TTC29: variants seen among roughly 807,000 people sequenced by gnomAD.
TTC29 encodes tetratricopeptide repeat domain 29.
Under a neutral mutation model 58.1 loss-of-function variants are expected in TTC29, and 49 were observed. The observed-to-expected ratio is 0.84, with a 90% confidence interval of 0.67 to 1.07. The LOEUF (loss-of-function observed/expected upper bound fraction) is 1.07. Ranked by LOEUF, TTC29 falls within the 50% of genes least tolerant of loss-of-function variation. The pLI is 0.00. For synonymous variants in TTC29, 209 were observed against 196.8 expected (o/e 1.06, Z -0.52); for missense variants, 582 against 555.6 (o/e 1.05, Z -0.48).
chr4:146,749,953 A>T (rs1745852489), intron 11 of TTC29, among the ~76,000 whole-genome samples: 1 of 152,232 alleles, frequency 6.6e-6, no homozygotes, highest in Non-Finnish European at 1.5e-5. Context: ...AGCAAAACGA[A>T]GGAGAAATAA....
chr4:146,862,965 A>G (rs2150202186), intron 8 of TTC29, among the ~76,000 whole-genome samples: 1 of 152,130 alleles, frequency 6.6e-6, no homozygotes, highest in South Asian at 2.1e-4. Flanking sequence ...TACTAAAAAT[A>G]CAAAAAATTA....
chr4:146,894,569 T>C (rs866907912), intron 6 of TTC29, among the ~76,000 whole-genome samples: 2 of 150,310 alleles, frequency 1.3e-5, no homozygotes, highest in South Asian at 2.1e-4. Flanking sequence ...TTAGGAGATA[T>C]ACCTAATGTT....
In TTC29 at chr4:146,867,517, T is replaced by C; in HGVS notation, c.866A>G (p.Glu289Gly). ...GCTTACTGTTAATGCTGTTTCATAT[T>C]CCTCAGCAGCTAAGTGTGCTAAGCC... ...YLGLAHLAAE[E>G]YETALTVLDT... The change falls in exon 8 of 13, where the codon GAA (glutamate) becomes GGA (glycine). Residue 289 changes from glutamate to glycine, a missense_variant. Physicochemically the swap from Glu to Gly is moderately conservative, Grantham distance 98. Transcript: ENST00000325106. 6.5e-7 allele frequency: 1 copy of C among 1,539,504 alleles called. No homozygotes were observed. The highest frequency in any genetic ancestry group is 1.9e-5 in the Admixed American group (1 of 51,940).
intron 11 of TTC29, among the ~76,000 whole-genome samples, chr4:146,736,835 G>C (rs1032186073): frequency 6.6e-6 from 1 of 152,176 alleles, no homozygotes; most frequent in Admixed American, 6.5e-5. Context: ...CAGGATCTTG[G>C]TACCTAGGGA....
intron 4 of TTC29, among the ~76,000 whole-genome samples, chr4:146,910,633 G>A (rs1733834524): frequency 6.6e-6 from 1 of 152,092 alleles, no homozygotes; most frequent in African/African-American, 2.4e-5. Context: ...AGCTATTGGA[G>A]ATCAGAGTCA....
chr4:146,790,089 T>G (rs1156546791), intron 11 of TTC29, among the ~76,000 whole-genome samples: 1 of 152,158 alleles, frequency 6.6e-6, no homozygotes, highest in Non-Finnish European at 1.5e-5. Flanking sequence ...TACATATACA[T>G]GCCTTGATTC....
intron 8 of TTC29, among the ~76,000 whole-genome samples, chr4:146,835,827 T>C (rs1728473397): frequency 6.6e-6 from 1 of 152,200 alleles, no homozygotes; most frequent in Non-Finnish European, 1.5e-5. Flanking sequence ...CTTGAACCCA[T>C]GGATAGAAGG....
At chr4:146,932,417 T>C (rs549781396) in intron 4 of TTC29, among the ~76,000 whole-genome samples, 3 of 152,246 alleles carry the variant, frequency 2.0e-5, no homozygotes, top group African/African-American at 7.2e-5. Flanking sequence ...GAAACCAAAA[T>C]GATTTCACAA....
chr4:146,763,198 CT>C (rs889684996), intron 11 of TTC29, among the ~76,000 whole-genome samples: 3 of 151,868 alleles, frequency 2.0e-5, no homozygotes, highest in East Asian at 3.9e-4. Context: ...CTGATGTTTC[CT>C]TTTTTTTCCT....
At position 146,707,093 on chromosome 4, in the gene TTC29, A is replaced by C; in HGVS notation, c.*65T>G. 1 of 1,199,656 alleles carries C rather than the reference A, an allele frequency of 8.3e-7. No homozygotes were observed. The highest frequency in any genetic ancestry group is 1.6e-5 in the South Asian group (1 of 61,212). The allele number at this position is 1,199,656 out of a possible 1,614,324, so 74.3% of individuals were successfully genotyped here. On this transcript the variant is annotated 3_prime_UTR_variant, in exon 13 of 13. Transcript: ENST00000325106. ...ATTATCTGTAACATGCTCCTATTAC[A>C]AGTATTGAAGTCTAAGGTGACATGA... is the stretch of plus-strand genomic sequence containing the variant.
chr4:146,724,897 C>A (rs140130243), intron 11 of TTC29, among the ~76,000 whole-genome samples: 147 of 152,270 alleles, frequency 9.7e-4, no homozygotes, highest in African/African-American at 3.2e-3. Flanking sequence ...AGGAAGACTT[C>A]AGCTATACGA....
At chr4:146,818,062 C>G (rs932796142) in intron 10 of TTC29, among the ~76,000 whole-genome samples, 1 of 152,074 alleles carries the variant, frequency 6.6e-6, no homozygotes, top group Non-Finnish European at 1.5e-5. Context: ...GCAATGGCAA[C>G]AAAAGCCAAA....
intron 8 of TTC29, among the ~76,000 whole-genome samples, chr4:146,858,754 C>T (rs1005650679): frequency 2.6e-5 from 4 of 152,084 alleles, no homozygotes; most frequent in Non-Finnish European, 5.9e-5. Context: ...TAGGATTATC[C>T]GCATCTTACA....
Position 146,819,693 on chromosome 4 carries a change from TTTC to T in TTC29, c.1101+429_1101+431del, listed in dbSNP as rs570139621. Among the ~76,000 whole-genome samples, 78 of 152,330 alleles carry T rather than the reference TTTC, an allele frequency of 5.1e-4. 1 individual carries two copies. In the South Asian group the frequency reaches 0.014, roughly 27 times the overall value. On this transcript the variant is annotated intron_variant, in intron 10 of 12. Transcript: ENST00000325106. The stretch of plus-strand genomic sequence containing the variant: ...TGCAGAATTATTTTTAGGATTGTCG[TTTC>T]TTCTTCTAAGGAAACTAGCAGGGTG...
At chr4:146,789,355 A>G (rs1444168356) in intron 11 of TTC29, among the ~76,000 whole-genome samples, 3 of 152,188 alleles carry the variant, frequency 2.0e-5, no homozygotes, top group African/African-American at 7.2e-5. Context: ...CAGATTCTTA[A>G]GCCCCTTCAT....
Position 146,782,141 on chromosome 4 carries a change from C to T in TTC29, c.1330+21316G>A, listed in dbSNP as rs545968843. ...TATCTTTATTTTTATTTTGAGAAAT[C>T]GATTTCTGGCATTCTGATTTAATAC... On this transcript the variant is annotated intron_variant, in intron 11 of 12. Transcript: ENST00000325106. 5.2e-4 allele frequency among the ~76,000 whole-genome samples: 79 copies of T among 151,790 alleles called. 1 individual carries two copies. Among genetic ancestry groups the T allele is most frequent in the Middle Eastern group, 6.8e-3 (2 of 294 alleles).
chr4:146,795,111 G>A (rs1749746274), intron 11 of TTC29, among the ~76,000 whole-genome samples: 1 of 152,130 alleles, frequency 6.6e-6, no homozygotes, highest in South Asian at 2.1e-4. Context: ...AGTTTAGAAT[G>A]AAATGAAAGG....
chr4:146,776,902 T>C (rs1023182760), intron 11 of TTC29, among the ~76,000 whole-genome samples: 1 of 152,128 alleles, frequency 6.6e-6, no homozygotes, highest in Admixed American at 6.5e-5. Context: ...AGTGGGGTGC[T>C]GGATGGTGTG....
At position 146,917,625 on chromosome 4, in the gene TTC29, ATAT is replaced by A. The variant is rs1476736706; in HGVS notation, c.177-8379_177-8377del. On this transcript the variant is annotated intron_variant, in intron 4 of 12. Transcript: ENST00000325106. ...TATATTATTTATAATATATAATTAG[ATAT>A]TATATAAATTATATATTATATATTT... Among the ~76,000 whole-genome samples the A allele has an allele frequency of 5.5e-5, 8 of 145,208 alleles. No homozygotes were observed. In the East Asian group the frequency reaches 1.0e-3, roughly 18 times the overall value.
Sources: allele counts gnomAD v4.1 joint callset (sites outside exome capture counted in the v4.1 genomes callset), GRCh38; gene constraint gnomAD v4.1.1; transcripts MANE v1.5; gene names NCBI Gene and HGNC (gene_info 2026-07-23, HGNC 2026-07-21).